The following TMEM184B variants were observed in gnomAD, a reference collection of about 807,000 sequenced individuals.
TMEM184B encodes putative MAPK-activating protein FM08.
Under a neutral mutation model 41.8 loss-of-function variants are expected in TMEM184B, and 17 were observed. The ratio of observed to expected loss-of-function variants is 0.41; its 90% CI spans 0.28 to 0.61. The LOEUF (loss-of-function observed/expected upper bound fraction) is 0.61, where lower values mean the gene tolerates loss of function less well. Ranked by LOEUF, TMEM184B falls within the 20% of genes least tolerant of loss-of-function variation. TMEM184B has a pLI of 0.34. For synonymous variants in TMEM184B, 240 were observed against 229.5 expected (o/e 1.05, Z -0.41); for missense variants, 393 against 557.8 (o/e 0.70, Z 2.98).
At chr22:38,232,213 A>C (rs530245339) in intron 3 of TMEM184B, 20 of 152,434 alleles carry the variant, frequency 1.3e-4, no homozygotes, top group African/African-American at 4.8e-4. Context: ...AGCACACAGA[A>C]CACAGTAAAA....
intron 5 of TMEM184B, 137 bp from the exon 6 acceptor site, chr22:38,227,007 G>T: frequency 1.2e-6 from 1 of 831,438 alleles, no homozygotes; most frequent in Non-Finnish European, 1.9e-6. Flanking sequence ...GAGGGATGGA[G>T]GGACGGAGGG....
At chr22:38,245,165 G>A (rs2145682084) in intron 3 of TMEM184B, among the ~76,000 whole-genome samples, 1 of 152,324 alleles carries the variant, frequency 6.6e-6, no homozygotes, top group East Asian at 1.9e-4. Context: ...CCCTGCCACT[G>A]ACTTGCCAGG....
chr22:38,264,054 C>A (rs1286497732), intron 1 of TMEM184B, among the ~76,000 whole-genome samples: 3 of 152,208 alleles, frequency 2.0e-5, no homozygotes, highest in South Asian at 2.1e-4. Context: ...ACCTGCCCAC[C>A]TCGGCCTCCC....
intron 3 of TMEM184B, chr22:38,232,227 T>C (rs1164460027): frequency 1.3e-5 from 2 of 152,160 alleles, no homozygotes; most frequent in African/African-American, 2.4e-5. Flanking sequence ...AGTAAAAACC[T>C]TGGGAAGCTT....
intron 3 of TMEM184B, among the ~76,000 whole-genome samples, chr22:38,241,893 A>AAAAAAAAAAAAAAAAAAAAAAAC (rs1249601121): frequency 6.7e-6 from 1 of 148,984 alleles, no homozygotes; most frequent in Non-Finnish European, 1.5e-5. Flanking sequence ...CAAAAAAAAA[A>AAAAAAAAAAAAAAAAAAAAAAAC]AAAAAAAAAA....
intron 3 of TMEM184B, among the ~76,000 whole-genome samples, chr22:38,236,166 T>C (rs1369656138): frequency 6.6e-6 from 1 of 152,220 alleles, no homozygotes; most frequent in Non-Finnish European, 1.5e-5. Flanking sequence ...TTGATGGCCT[T>C]GGGGCCAGCC....
At position 38,225,003 on chromosome 22, in the gene TMEM184B, T is replaced by C. The variant is rs1441335855; in HGVS notation, c.788-24A>G. On this transcript the variant is annotated intron_variant, in intron 7 of 8. Transcript: ENST00000361906. The surrounding 1 kb of genome is among the most constrained non-coding windows in gnomAD (Gnocchi z 4.4). ...GCCTGGATGGGGAGGCACGGGTGTC[T>C]GGACCCAGAATGATTCCTTTCCTGC... 6.6e-7 allele frequency: 1 copy of C among 1,526,530 alleles called. No homozygotes were observed. Among genetic ancestry groups the C allele is most frequent in the Admixed American group, 2.0e-5 (1 of 49,230 alleles). 94.6% of individuals were successfully genotyped at this position (1,526,530 alleles called of 1,614,324 possible). A position where few individuals can be genotyped will look rare whatever the true frequency, so the allele number is the denominator to read the frequency against.
At position 38,220,013 on chromosome 22, in the gene TMEM184B, T is replaced by C. The variant is rs2091216191; in HGVS notation, c.*1456A>G. 2 of 985,450 alleles carry C rather than the reference T, an allele frequency of 2.0e-6. No homozygotes were observed. Among genetic ancestry groups the C allele is most frequent in the Non-Finnish European group, 1.2e-6 (1 of 829,952 alleles). The allele number at this position is 985,450 out of a possible 1,614,324, so 61.0% of individuals were successfully genotyped here. On this transcript the variant is annotated 3_prime_UTR_variant, in exon 9 of 9. Transcript: ENST00000361906. ...AAGGACCAAAAGAAAGAATCCCCAG[T>C]GAACACCGGCAGGGTCCCTCTCCCT...
At chr22:38,268,533 C>A (rs4821777) in intron 1 of TMEM184B, among the ~76,000 whole-genome samples, 5 of 151,704 alleles carry the variant, frequency 3.3e-5, no homozygotes, top group African/African-American at 9.7e-5. Flanking sequence ...TCTCTGTGGC[C>A]GCCTCCCACT....
intron 3 of TMEM184B, 52 bp downstream of exon 3, chr22:38,245,883 T>TC: frequency 6.8e-5 from 88 of 1,288,686 alleles, no homozygotes; most frequent in Non-Finnish European, 8.4e-5. Context: ...GGACAGGGGC[T>TC]CCCAGCCCCC....
At position 38,219,493 on chromosome 22, in the gene TMEM184B, T is replaced by C; in HGVS notation, c.*1976A>G. ...TACAATTAATTTTTCAAGTATTCTT[T>C]ATGTACAAAGAGCTACTCTACCTGG... On this transcript the variant is annotated 3_prime_UTR_variant, in exon 9 of 9. Transcript: ENST00000361906. 4.1e-6 allele frequency: 4 copies of C among 985,534 alleles called. No individual in the cohort carries two copies. The highest frequency in any genetic ancestry group is 4.8e-6 in the Non-Finnish European group (4 of 829,850). 61.0% of individuals were successfully genotyped at this position (985,534 alleles called of 1,614,324 possible).
At chr22:38,234,920 C>A (rs931734039) in intron 3 of TMEM184B, among the ~76,000 whole-genome samples, 1 of 152,182 alleles carries the variant, frequency 6.6e-6, no homozygotes, top group Admixed American at 6.5e-5. Flanking sequence ...CGGGATAACT[C>A]CTCCCTTGGT....
At chr22:38,259,150 C>A (rs1240772054) in intron 1 of TMEM184B, among the ~76,000 whole-genome samples, 2 of 152,170 alleles carry the variant, frequency 1.3e-5, no homozygotes, top group Non-Finnish European at 2.9e-5. Flanking sequence ...AACTTGGCCA[C>A]CTGCCTTGGA....
At position 38,246,199 on chromosome 22, in the gene TMEM184B, G is replaced by A. The variant is rs1258729922; in HGVS notation, c.193-99C>T. The A allele has an allele frequency of 1.6e-5, 23 of 1,423,364 alleles. 2 individuals are homozygous for A. The South Asian group carries it at 2.2e-4, about 14-fold the overall frequency. 88.2% of individuals were successfully genotyped at this position (1,423,364 alleles called of 1,614,324 possible). The stretch of plus-strand genomic sequence containing the variant: ...TCTGCCACCGACTCATCTGTGACCC[G>A]ATGCACGTGACCTACCCCTGAGCCT... On this transcript the variant is annotated intron_variant, in intron 2 of 8. Transcript: ENST00000361906.
chr22:38,253,264 AAAT>A (rs997270161), intron 1 of TMEM184B, among the ~76,000 whole-genome samples: 105 of 152,178 alleles, frequency 6.9e-4, no homozygotes, highest in Non-Finnish European at 2.4e-4. Flanking sequence ...ACTGATTAAA[AAAT>A]AATAATAATA....
chr22:38,219,528 TAAA>T lies in TMEM184B; in HGVS notation c.*1938_*1940del, dbSNP rs141270389. The T allele has an allele frequency of 8.9e-6, 8 of 899,204 alleles. No homozygotes were observed. In the African/African-American group the frequency reaches 1.5e-4, roughly 16 times the overall value. 55.7% of individuals were successfully genotyped at this position (899,204 alleles called of 1,614,324 possible). On this transcript the variant is annotated 3_prime_UTR_variant, in exon 9 of 9. Coordinates refer to ENST00000361906, the MANE Select transcript of TMEM184B (RefSeq NM_012264.5). ...GAGCTACTCTACCTGGAAAGAAAAT[TAAA>T]AAAAAAAAAGACAAGGTAGGTTATG...
Position 38,224,869 on chromosome 22 carries a change from A to G in TMEM184B, c.898T>C (p.Cys300Arg). The G allele has an allele frequency of 6.2e-7, 1 of 1,613,806 alleles. No homozygotes were observed. The highest frequency in any genetic ancestry group is 8.5e-7 in the Non-Finnish European group (1 of 1,179,982). ...VAAGYQDFII[C>R]VEMFFAALAL... ...AGGGCTGCAAAGAACATCTCCACAC[A>G]GATGATGAAGTCCTGGTAGCCGGCA... The change falls in exon 8 of 9, where the codon TGT (cysteine) becomes CGT (arginine). Residue 300 changes from cysteine to arginine, a missense_variant. By Grantham distance (180) the Cys-to-Arg change is radical. This residue lies in a region of TMEM184B where 271 missense variants were observed against 434.1 expected (regional missense o/e 0.62). Transcript: ENST00000361906.
downstream of TMEM184B, among the ~76,000 whole-genome samples, chr22:38,217,237 C>A (rs1266444450): frequency 5.3e-5 from 8 of 151,890 alleles, no homozygotes; most frequent in Admixed American, 3.9e-4. Flanking sequence ...GTAATCCCAG[C>A]ACTTTGGGAG....
chr22:38,248,024 A>G lies in TMEM184B; in HGVS notation c.-58-5T>C. The stretch of plus-strand genomic sequence containing the variant: ...TGCAGAAAGTGACAAGCTAGCCTAG[A>G]GAGAAGAAATTGCAATGTGAGTCTC... On this transcript the variant is annotated splice_polypyrimidine_tract_variant and splice_region_variant and intron_variant, in intron 1 of 8. Transcript: ENST00000361906. 6.7e-6 allele frequency: 10 copies of G among 1,491,032 alleles called. No homozygotes were observed. Among genetic ancestry groups the G allele is most frequent in the Non-Finnish European group, 8.9e-6 (10 of 1,123,462 alleles). 92.4% of individuals were successfully genotyped at this position (1,491,032 alleles called of 1,614,324 possible). A position where few individuals can be genotyped will look rare whatever the true frequency, so the allele number is the denominator to read the frequency against.
Sources: allele counts gnomAD v4.1 joint callset (sites outside exome capture counted in the v4.1 genomes callset), GRCh38; gene constraint gnomAD v4.1.1; regional missense constraint gnomAD v4.1.1; non-coding constraint Gnocchi (gnomAD v3.1); transcripts MANE v1.5; gene names NCBI Gene and HGNC (gene_info 2026-07-23, HGNC 2026-07-21).